Variants in CYRIB observed in about 807,000 individuals in gnomAD.
CYRIB encodes CYFIP-related Rac1 interactor B.
Under a neutral mutation model 44.2 loss-of-function variants are expected in CYRIB, and 8 were observed. The observed-to-expected ratio is 0.18, with a 90% CI of 0.11 to 0.33. The LOEUF (loss-of-function observed/expected upper bound fraction) is 0.33, where lower values mean the gene tolerates loss of function less well. Among genes scored for constraint, CYRIB ranks in the 10% least tolerant of loss-of-function variants. The pLI, the probability that CYRIB is intolerant of heterozygous loss-of-function variation, is 1.00. For missense variants in CYRIB, 185 were observed against 382.8 expected, an observed-to-expected ratio of 0.48 and a Z score of 4.31; for synonymous variants, 131 against 127.2, an observed-to-expected ratio of 1.03 and a Z score of -0.20.
intron 1 of CYRIB, among the ~76,000 whole-genome samples, chr8:129,920,221 T>C (rs552639432): frequency 6.6e-6 from 1 of 152,284 alleles, no homozygotes; most frequent in Non-Finnish European, 1.5e-5. Context: ...AGTGGTTCTT[T>C]CTTGTCTATC....
At chr8:129,912,841 G>C (rs2078738320) in intron 1 of CYRIB, among the ~76,000 whole-genome samples, 1 of 151,916 alleles carries the variant, frequency 6.6e-6, no homozygotes, top group Admixed American at 6.6e-5. Flanking sequence ...TGTGTGTCAT[G>C]TTTACGGTGA....
At chr8:129,992,195 T>C (rs2096656490) in intron 1 of CYRIB, among the ~76,000 whole-genome samples, 3 of 151,266 alleles carry the variant, frequency 2.0e-5, no homozygotes, top group Admixed American at 6.6e-5. Context: ...ATGATGCATG[T>C]CTATGGTCCC....
intron 1 of CYRIB, among the ~76,000 whole-genome samples, chr8:129,909,658 A>T (rs2077022532): frequency 2.0e-5 from 3 of 152,176 alleles, no homozygotes; most frequent in Admixed American, 2.0e-4. Flanking sequence ...GACTTCCATA[A>T]GCACATAAAG....
chr8:129,916,845 A>G (rs2081048607), intron 1 of CYRIB, among the ~76,000 whole-genome samples: 1 of 152,242 alleles, frequency 6.6e-6, no homozygotes, highest in African/African-American at 2.4e-5. Context: ...CAACGAAGGG[A>G]AACAGCATAG....
intron 7 of CYRIB, among the ~76,000 whole-genome samples, 182 bp downstream of exon 9, chr8:129,854,084 A>G (rs1048093511): frequency 6.6e-6 from 1 of 152,232 alleles, no homozygotes; most frequent in Non-Finnish European, 1.5e-5. Context: ...CTGTGAAGAA[A>G]AACAGGTAAA....
chr8:129,882,084 G>A (rs577579470), intron 2 of CYRIB, among the ~76,000 whole-genome samples: 1 of 152,166 alleles, frequency 6.6e-6, no homozygotes, highest in South Asian at 2.1e-4. Context: ...CAAGAACTGA[G>A]ACCAAATACA....
At chr8:129,911,088 T>C (rs2077765898) in intron 1 of CYRIB, among the ~76,000 whole-genome samples, 1 of 152,264 alleles carries the variant, frequency 6.6e-6, no homozygotes, top group Non-Finnish European at 1.5e-5. Flanking sequence ...CTGAACTTCC[T>C]TGATCAGATA....
At chr8:129,944,205 A>T (rs1324569962), upstream of CYRIB, among the ~76,000 whole-genome samples, 2 of 152,184 alleles carry the variant, frequency 1.3e-5, no homozygotes, top group Non-Finnish European at 2.9e-5. Context: ...GGTAGGGAGA[A>T]CAGAGGGCCA....
At chr8:129,869,207 G>A (rs1264079939) in intron 4 of CYRIB, among the ~76,000 whole-genome samples, 1 of 151,584 alleles carries the variant, frequency 6.6e-6, no homozygotes, top group Non-Finnish European at 1.5e-5. Flanking sequence ...CCAACATGGT[G>A]AAAGCCCATC....
At chr8:129,964,814 C>T (rs1591315190) in intron 2 of CYRIB, among the ~76,000 whole-genome samples, 2 of 152,164 alleles carry the variant, frequency 1.3e-5, no homozygotes, top group Admixed American at 1.3e-4. Context: ...TGCAGTGAGC[C>T]GTGATCGTGC....
chr8:129,909,931 T>C (rs1041320021), intron 1 of CYRIB, among the ~76,000 whole-genome samples: 1 of 152,166 alleles, frequency 6.6e-6, no homozygotes, highest in Non-Finnish European at 1.5e-5. Flanking sequence ...GCCCCAAATT[T>C]CTCAAATGAG....
rs182040571 is a variant in CYRIB, at chr8:129,990,609, A to G, written c.-295-19614T>C. Among the ~76,000 whole-genome samples, 529 of 151,718 alleles carry G rather than the reference A, an allele frequency of 3.5e-3. 5 individuals carry two copies. Among genetic ancestry groups the G allele is most frequent in the African/African-American group, 0.012 (501 of 41,318 alleles). On this transcript the variant is annotated intron_variant, in intron 1 of 14. Transcript: ENST00000401979. ...GGATCACAGCTCCCTGCAGCCTCAA[A>G]CTCCCAGGCTCAAGCGATCCTCCTG...
chr8:129,846,722 C>G, intron 11 of CYRIB, 82 bp downstream of exon 13: 1 of 869,712 alleles, frequency 1.1e-6, no homozygotes, highest in East Asian at 2.6e-5. Context: ...CCTATTCACA[C>G]TTAATGCATT....
chr8:129,873,068 A>G (rs2057913083), intron 3 of CYRIB, among the ~76,000 whole-genome samples: 1 of 152,030 alleles, frequency 6.6e-6, no homozygotes, highest in Non-Finnish European at 1.5e-5. Context: ...TACATTACCA[A>G]ATTTTAAACT....
intron 1 of CYRIB, among the ~76,000 whole-genome samples, chr8:129,939,083 TAA>T (rs1214702794): frequency 6.6e-6 from 1 of 151,950 alleles, no homozygotes; most frequent in Non-Finnish European, 1.5e-5. Flanking sequence ...TGGGGAGCGA[TAA>T]AGACACCAAC....
chr8:129,933,796 C>T (rs1157628468), intron 1 of CYRIB, among the ~76,000 whole-genome samples: 1 of 151,878 alleles, frequency 6.6e-6, no homozygotes, highest in Admixed American at 6.6e-5. Context: ...ATCACTTGAA[C>T]CCAGGAGGCG....
At chr8:130,014,551 C>G (rs1255095104) in intron 1 of CYRIB, among the ~76,000 whole-genome samples, 2 of 152,044 alleles carry the variant, frequency 1.3e-5, no homozygotes, top group Non-Finnish European at 2.9e-5. Context: ...GTTGGGGGAC[C>G]CACATAGCTA....
chr8:129,871,434 C>A (rs776462036), exon 4 of CYRIB: 1 of 1,611,918 alleles, frequency 6.2e-7, no homozygotes, highest in Non-Finnish European at 8.5e-7. Context: ...ATGCCTTCTG[C>A]ATCTTTTAAT....
intron 1 of CYRIB, 74 bp downstream of exon 1, chr8:130,016,296 C>CG (rs2097343579): frequency 6.8e-6 from 1 of 146,820 alleles, no homozygotes; most frequent in Non-Finnish European, 1.5e-5. Flanking sequence ...GCGCCCTCTC[C>CG]GGGGGCAAAT....
Sources: allele counts gnomAD v4.1 joint callset (sites outside exome capture counted in the v4.1 genomes callset), GRCh38; gene constraint gnomAD v4.1.1; transcripts MANE v1.5; gene names NCBI Gene and HGNC (gene_info 2026-07-23, HGNC 2026-07-21).